Variants in ENOX1 observed in about 807,000 individuals in gnomAD.
ENOX1 encodes the protein ecto-NOX disulfide-thiol exchanger 1.
A neutral mutation model predicts 82.5 loss-of-function variants in ENOX1; 42 were observed. The observed-to-expected ratio is 0.51, with a 90% confidence interval of 0.40 to 0.66. The LOEUF (loss-of-function observed/expected upper bound fraction) is 0.66. ENOX1 is among the 30% of genes least tolerant of loss of function. The pLI is 0.00. For missense variants in ENOX1, 608 were observed against 811.6 expected, an observed-to-expected ratio of 0.75 and a Z score of 3.05; for synonymous variants, 271 against 282.2, an observed-to-expected ratio of 0.96 and a Z score of 0.40.
At chr13:43,518,485 T>A (rs1022434363) in intron 2 of ENOX1, among the ~76,000 whole-genome samples, 2 of 152,074 alleles carry the variant, frequency 1.3e-5, no homozygotes, top group African/African-American at 2.4e-5. Context: ...GCAGATGCGT[T>A]GATGTTCTAG....
At chr13:43,735,129 A>G (rs973437815) in intron 1 of ENOX1, among the ~76,000 whole-genome samples, 1 of 152,216 alleles carries the variant, frequency 6.6e-6, no homozygotes, top group Non-Finnish European at 1.5e-5. Context: ...CTATCATTTT[A>G]AAGTGGAAAA....
At chr13:43,245,331 T>C (rs1426597006) in intron 14 of ENOX1, among the ~76,000 whole-genome samples, 3 of 152,194 alleles carry the variant, frequency 2.0e-5, no homozygotes, top group African/African-American at 7.2e-5. Context: ...TCTGTGCCCT[T>C]TTCCCTGACT....
At chr13:43,631,990 C>G (rs1464918016) in intron 2 of ENOX1, among the ~76,000 whole-genome samples, 1 of 152,162 alleles carries the variant, frequency 6.6e-6, no homozygotes, top group Non-Finnish European at 1.5e-5. Context: ...CATCTGTCAC[C>G]CTACTTTAAA....
chr13:43,335,411 T>C (rs1223682662), intron 9 of ENOX1, among the ~76,000 whole-genome samples: 3 of 152,146 alleles, frequency 2.0e-5, no homozygotes, highest in African/African-American at 7.2e-5. Flanking sequence ...CTTTAAAAAA[T>C]CTTTGTAAAA....
At chr13:43,448,811 C>A (rs78026243) in intron 3 of ENOX1, among the ~76,000 whole-genome samples, 131 of 152,286 alleles carry the variant, frequency 8.6e-4, no homozygotes, top group African/African-American at 3.1e-3. Flanking sequence ...TAACTCAGAG[C>A]GGCATCGCCA....
At chr13:43,633,594 T>C (rs2083300535) in intron 2 of ENOX1, among the ~76,000 whole-genome samples, 1 of 152,100 alleles carries the variant, frequency 6.6e-6, no homozygotes. Context: ...TATAATAATA[T>C]GGGGAAAATC....
Position 43,403,545 on chromosome 13 carries a change from A to G in ENOX1, c.208+8371T>C, listed in dbSNP as rs569367462. On this transcript the variant is annotated intron_variant, in intron 5 of 16. Coordinates refer to ENST00000690772, the MANE Select transcript of ENOX1 (RefSeq NM_001347969.2). ...AGATTTTACACATTCTCTTATCTCT[A>G]GAAATACTGTAGACAGGCTGGGTGC... 3.9e-5 allele frequency among the ~76,000 whole-genome samples: 6 copies of G among 152,312 alleles called. No homozygotes were observed. The South Asian group carries it at 1.0e-3, about 26-fold the overall frequency.
intron 2 of ENOX1, among the ~76,000 whole-genome samples, chr13:43,504,006 C>G (rs2077065405): frequency 6.6e-6 from 1 of 151,262 alleles, no homozygotes; most frequent in Non-Finnish European, 1.5e-5. Flanking sequence ...AACTCAATAG[C>G]AAAAAAATCC....
intron 12 of ENOX1, among the ~76,000 whole-genome samples, chr13:43,276,496 G>A (rs1335265282): frequency 6.6e-6 from 1 of 152,090 alleles, no homozygotes; most frequent in East Asian, 1.9e-4. Flanking sequence ...AGCTTACTGT[G>A]TCTTCAGGTC....
At chr13:43,418,228 T>C (rs2054750415) in intron 3 of ENOX1, among the ~76,000 whole-genome samples, 1 of 148,948 alleles carries the variant, frequency 6.7e-6, no homozygotes, top group African/African-American at 2.5e-5. Context: ...ATACATAAAA[T>C]AATATAATGT....
rs143916813 is a variant in ENOX1 at position 43,342,252 on chromosome 13, C to G, written c.1036+2286G>C. Among the ~76,000 whole-genome samples the G allele has an allele frequency of 1.1e-3, 169 of 152,250 alleles. 1 individual carries two copies. Among genetic ancestry groups the G allele is most frequent in the African/African-American group, 3.1e-3 (128 of 41,534 alleles). On this transcript the variant is annotated intron_variant, in intron 9 of 16. Transcript: ENST00000690772. ...GACACATCAAGTAACCAAAGCCTGA[C>G]TTGGGTGGTGGCGGTTACAATGAAG...
intron 2 of ENOX1, among the ~76,000 whole-genome samples, chr13:43,634,011 T>C (rs2083320421): frequency 6.6e-6 from 1 of 152,190 alleles, no homozygotes. Flanking sequence ...ACTATTAATA[T>C]CACCTTTACC....
chr13:43,616,189 T>TCTAGATAGATAG (rs1490011009), intron 2 of ENOX1, among the ~76,000 whole-genome samples: 2 of 12,544 alleles, frequency 1.6e-4, no homozygotes, highest in Non-Finnish European at 6.1e-4. Context: ...TATCTATCTA[T>TCTAGATAGATAG]ATATATATAT....
intron 12 of ENOX1, among the ~76,000 whole-genome samples, chr13:43,291,304 GTGCCC>G (rs944439911): frequency 6.6e-6 from 1 of 152,216 alleles, no homozygotes; most frequent in Non-Finnish European, 1.5e-5. Context: ...GGGCTTAGGC[GTGCCC>G]TGCTCTGGAC....
At chr13:43,394,225 T>C (rs2052991253) in intron 5 of ENOX1, among the ~76,000 whole-genome samples, 1 of 152,228 alleles carries the variant, frequency 6.6e-6, no homozygotes, top group African/African-American at 2.4e-5. Context: ...ATCTACAAAA[T>C]TCTTACAGAG....
At chr13:43,467,149 G>A (rs2057762609) in intron 3 of ENOX1, among the ~76,000 whole-genome samples, 3 of 152,254 alleles carry the variant, frequency 2.0e-5, no homozygotes, top group South Asian at 2.1e-4. Context: ...ACCTAGGAGC[G>A]AGATAACTCT....
chr13:43,727,854 G>GT (rs1362333339), intron 1 of ENOX1, among the ~76,000 whole-genome samples: 1 of 152,132 alleles, frequency 6.6e-6, no homozygotes, highest in Non-Finnish European at 1.5e-5. Context: ...TTTTAAAGAA[G>GT]TCAAAGTTTT....
intron 2 of ENOX1, among the ~76,000 whole-genome samples, chr13:43,637,514 T>C (rs2083459427): frequency 7.1e-6 from 1 of 141,594 alleles, no homozygotes; most frequent in Non-Finnish European, 1.6e-5. Flanking sequence ...CTGCAGCTCA[T>C]AAACATCCAG....
chr13:43,420,502 C>T (rs988560637), intron 3 of ENOX1, among the ~76,000 whole-genome samples: 6 of 152,244 alleles, frequency 3.9e-5, no homozygotes, highest in East Asian at 3.9e-4. Context: ...GGTGTTTCAT[C>T]TTATTGTTAA....
Sources: allele counts gnomAD v4.1 joint callset (sites outside exome capture counted in the v4.1 genomes callset), GRCh38; gene constraint gnomAD v4.1.1; transcripts MANE v1.5; gene names NCBI Gene and HGNC (gene_info 2026-07-23, HGNC 2026-07-21).